The following CSMD1 variants were observed in gnomAD, a reference collection of about 807,000 sequenced individuals.
CSMD1 encodes CUB and Sushi multiple domains 1.
Under a neutral mutation model 417.5 loss-of-function variants are expected in CSMD1, and 213 were observed. That is an observed-to-expected ratio of 0.51 (90% CI 0.46 to 0.57). The LOEUF (loss-of-function observed/expected upper bound fraction) is 0.57, where lower values mean the gene tolerates loss of function less well. CSMD1 is among the 20% of genes least tolerant of loss of function. The probability of loss-of-function intolerance (pLI) is 0.00; values close to 1 mark genes in which losing one functional copy is unlikely to be tolerated. For synonymous variants in CSMD1, 2,862 were observed against 1,736.8 expected (o/e 1.65, Z -16.11); for missense variants, 6,923 against 4,529.7 (o/e 1.53, Z -15.17).
intron 1 of CSMD1, among the ~76,000 whole-genome samples, chr8:4,657,851 G>T (rs145645712): frequency 9.2e-5 from 14 of 151,964 alleles, no homozygotes; most frequent in South Asian, 2.1e-4. Flanking sequence ...GAAACCAGGA[G>T]AATGGCATCT....
intron 3 of CSMD1, among the ~76,000 whole-genome samples, chr8:4,362,715 G>C (rs1318623368): frequency 6.6e-6 from 1 of 152,132 alleles, no homozygotes; most frequent in Non-Finnish European, 1.5e-5. Context: ...TAAGAGAAAA[G>C]GACTTTCTTT....
intron 10 of CSMD1, among the ~76,000 whole-genome samples, chr8:3,498,238 G>T (rs1032161712): frequency 1.3e-5 from 2 of 152,042 alleles, no homozygotes; most frequent in Admixed American, 1.3e-4. Flanking sequence ...ACTTCTCTTT[G>T]TCTTTGAAGT....
At position 4,943,389 on chromosome 8, in the gene CSMD1, G is replaced by C. The variant is rs190545424; in HGVS notation, c.85+50943C>G. On this transcript the variant is annotated intron_variant, in intron 1 of 69. Transcript: ENST00000635120. ...TGGACGCCTGTAGTCCCAGTTACTC[G>C]GGAGGCTGAGGCAGGAGAATGGCGT... 2.6e-3 allele frequency among the ~76,000 whole-genome samples: 394 copies of C among 151,934 alleles called. 1 individual carries two copies. The highest frequency in any genetic ancestry group is 8.5e-3 in the African/African-American group (352 of 41,470).
intron 5 of CSMD1, among the ~76,000 whole-genome samples, chr8:3,767,519 A>C (rs2720778): frequency 6.6e-6 from 1 of 152,220 alleles, no homozygotes. Flanking sequence ...GGCTTAGATT[A>C]TGCTCTGATC....
chr8:3,994,838 G>A (rs1175690698), intron 5 of CSMD1, among the ~76,000 whole-genome samples: 3 of 152,104 alleles, frequency 2.0e-5, no homozygotes, highest in Admixed American at 2.0e-4. Flanking sequence ...TCCTATTATT[G>A]TTCCTAACAA....
chr8:3,075,227 C>G (rs1014260324), intron 49 of CSMD1, among the ~76,000 whole-genome samples: 2 of 151,178 alleles, frequency 1.3e-5, no homozygotes, highest in Non-Finnish European at 2.9e-5. Context: ...AACCTCTTTT[C>G]TTTATAAATT....
At chr8:4,879,574 T>G (rs2116949052) in intron 1 of CSMD1, among the ~76,000 whole-genome samples, 1 of 152,188 alleles carries the variant, frequency 6.6e-6, no homozygotes, top group Non-Finnish European at 1.5e-5. Context: ...TAGGGAGATT[T>G]TTATAAAACG....
At chr8:4,600,317 G>C (rs1015264525) in intron 2 of CSMD1, among the ~76,000 whole-genome samples, 2 of 152,106 alleles carry the variant, frequency 1.3e-5, no homozygotes, top group South Asian at 2.1e-4. Context: ...TATAGAGATG[G>C]GTAGAAATGG....
chr8:3,838,524 C>CTA (rs200644430), intron 5 of CSMD1, among the ~76,000 whole-genome samples: 46,452 of 127,850 alleles, frequency 0.36, 8,713 homozygotes, highest in African/African-American at 0.49. Flanking sequence ...ATAATATAGC[C>CTA]TATATATATA....
intron 5 of CSMD1, among the ~76,000 whole-genome samples, chr8:3,843,098 T>C (rs1428227966): frequency 2.0e-5 from 3 of 152,156 alleles, no homozygotes; most frequent in South Asian, 2.1e-4. Context: ...CTCTTTTTAT[T>C]TATTCTTTAG....
chr8:3,222,973 T>A (rs901605193), intron 28 of CSMD1, among the ~76,000 whole-genome samples: 1 of 152,146 alleles, frequency 6.6e-6, no homozygotes, highest in Admixed American at 6.6e-5. Context: ...AAAAATGTAA[T>A]CCCAGATACT....
rs375228943 is a variant in CSMD1 at position 4,233,552 on chromosome 8, T to C, written c.415+186401A>G. On this transcript the variant is annotated intron_variant, in intron 3 of 69. Coordinates refer to ENST00000635120, the MANE Select transcript of CSMD1 (RefSeq NM_033225.6). ...CAGAGAGCTCTCTCACACCTTCCACTGTCTGAGGACACAGGGAGAAGGCCC... is the reference window on the plus strand; with the variant it reads ...CAGAGAGCTCTCTCACACCTTCCACCGTCTGAGGACACAGGGAGAAGGCCC... Among the ~76,000 whole-genome samples, 171 of 152,246 alleles carry C rather than the reference T, an allele frequency of 1.1e-3. 4 individuals are homozygous for C. In the South Asian group the frequency reaches 0.033, roughly 29 times the overall value.
intron 5 of CSMD1, among the ~76,000 whole-genome samples, chr8:3,925,014 A>T (rs1180636830): frequency 6.6e-6 from 1 of 152,106 alleles, no homozygotes; most frequent in Admixed American, 6.6e-5. Flanking sequence ...TAAGAGAAAG[A>T]CTTTAAATAG....
At chr8:4,132,395 T>C (rs1040632789) in intron 3 of CSMD1, among the ~76,000 whole-genome samples, 1 of 152,192 alleles carries the variant, frequency 6.6e-6, no homozygotes, top group South Asian at 2.1e-4. Flanking sequence ...TTCTCTAGTA[T>C]GGTGTCTGAA....
chr8:4,525,027 T>C (rs1329660887), intron 2 of CSMD1, among the ~76,000 whole-genome samples: 2 of 152,162 alleles, frequency 1.3e-5, no homozygotes, highest in Non-Finnish European at 2.9e-5. Context: ...ATATTTTGAA[T>C]CAAGACATTC....
intron 5 of CSMD1, among the ~76,000 whole-genome samples, chr8:3,880,927 T>G (rs1806164880): frequency 6.6e-6 from 1 of 152,164 alleles, no homozygotes; most frequent in South Asian, 2.1e-4. Context: ...TACCAAGTAT[T>G]ACATTGGATG....
chr8:3,594,015 G>T (rs1800976571), intron 8 of CSMD1, among the ~76,000 whole-genome samples: 1 of 152,188 alleles, frequency 6.6e-6, no homozygotes, highest in Non-Finnish European at 1.5e-5. Context: ...TAACTTTAGA[G>T]CAACAGAGTG....
intron 2 of CSMD1, among the ~76,000 whole-genome samples, chr8:4,583,072 G>A (rs189716755): frequency 1.4e-4 from 22 of 152,212 alleles, no homozygotes; most frequent in African/African-American, 4.8e-4. Context: ...CCGCGGGGCA[G>A]GGCTCAGGAC....
At chr8:3,965,532 CT>C (rs2130021984) in intron 5 of CSMD1, among the ~76,000 whole-genome samples, 1 of 152,282 alleles carries the variant, frequency 6.6e-6, no homozygotes, top group East Asian at 1.9e-4. Flanking sequence ...ACAATAGAGC[CT>C]GAACAACTAG....
Sources: allele counts gnomAD v4.1 joint callset (sites outside exome capture counted in the v4.1 genomes callset), GRCh38; gene constraint gnomAD v4.1.1; transcripts MANE v1.5; gene names NCBI Gene and HGNC (gene_info 2026-07-23, HGNC 2026-07-21).